The following ARHGAP10 variants were observed in gnomAD, a reference collection of about 807,000 sequenced individuals.
The protein encoded by ARHGAP10 is rho GTPase-activating protein 10.
ARHGAP10 carries 87 observed loss-of-function variants against 108.6 expected under a neutral mutation model. That is an observed-to-expected ratio of 0.80 (90% confidence interval 0.67 to 0.96). The LOEUF is 0.96. Ranked by LOEUF, ARHGAP10 falls within the 40% of genes least tolerant of loss-of-function variation. The pLI, the probability that ARHGAP10 is intolerant of heterozygous loss-of-function variation, is 0.00. For missense variants in ARHGAP10, 939 were observed against 954.5 expected (o/e 0.98, Z 0.21); for synonymous variants, 347 against 341.1 (o/e 1.02, Z -0.19).
At chr4:147,945,936 A>G (rs1203148485) in intron 14 of ARHGAP10, among the ~76,000 whole-genome samples, 2 of 152,184 alleles carry the variant, frequency 1.3e-5, no homozygotes, top group Non-Finnish European at 2.9e-5. Context: ...GCCACCACAC[A>G]TGAATTGAAG....
rs117077585 is a variant in ARHGAP10 at position 147,961,296 on chromosome 4, G to A, written c.1451-3728G>A. On this transcript the variant is annotated intron_variant, in intron 16 of 22. Transcript: ENST00000336498. ...TGTTAACTTCTGTTTCACCGATATA[G>A]GTTTATTCTGTTTTCATAGGTTTTT... Among the ~76,000 whole-genome samples the A allele has an allele frequency of 4.1e-3, 627 of 152,194 alleles. 7 individuals carry two copies. The highest frequency in any genetic ancestry group is 0.025 in the East Asian group (127 of 5,180).
intron 12 of ARHGAP10, among the ~76,000 whole-genome samples, chr4:147,912,690 C>T (rs1736808102): frequency 3.1e-5 from 3 of 98,186 alleles, no homozygotes; most frequent in African/African-American, 8.2e-5. Flanking sequence ...GGGTATTGCT[C>T]TGTCACCCAG....
intron 18 of ARHGAP10, among the ~76,000 whole-genome samples, chr4:147,975,868 CTG>C: frequency 6.6e-6 from 1 of 152,196 alleles, no homozygotes; most frequent in Non-Finnish European, 1.5e-5. Context: ...GAGTATCACA[CTG>C]TGTTGTTTCA....
At chr4:147,736,005 T>G (rs1728395960) in intron 1 of ARHGAP10, among the ~76,000 whole-genome samples, 1 of 152,198 alleles carries the variant, frequency 6.6e-6, no homozygotes, top group African/African-American at 2.4e-5. Context: ...TTAGGCAGTC[T>G]TGAGAAAATG....
At chr4:147,767,037 G>A (rs974646880) in intron 1 of ARHGAP10, among the ~76,000 whole-genome samples, 1 of 151,534 alleles carries the variant, frequency 6.6e-6, no homozygotes, top group African/African-American at 2.4e-5. Flanking sequence ...TTCTAGTAGA[G>A]ATGGGGTTTC....
intron 10 of ARHGAP10, among the ~76,000 whole-genome samples, chr4:147,895,820 T>A (rs1419630175): frequency 6.6e-6 from 1 of 152,228 alleles, no homozygotes; most frequent in African/African-American, 2.4e-5. Context: ...CCATCTTGCC[T>A]TGTTCCTGAT....
chr4:147,827,805 CT>C (rs1045989535), intron 3 of ARHGAP10, among the ~76,000 whole-genome samples: 10 of 151,312 alleles, frequency 6.6e-5, no homozygotes, highest in African/African-American at 1.9e-4. Flanking sequence ...GTCACTTAAT[CT>C]TTTTTTTTGT....
At chr4:147,785,919 TA>T (rs1164434272) in intron 1 of ARHGAP10, among the ~76,000 whole-genome samples, 1 of 152,194 alleles carries the variant, frequency 6.6e-6, no homozygotes, top group Non-Finnish European at 1.5e-5. Context: ...TGTCACCAAA[TA>T]CATTTTTCAA....
intron 18 of ARHGAP10, among the ~76,000 whole-genome samples, chr4:147,976,670 A>G (rs1324536976): frequency 6.6e-6 from 1 of 152,130 alleles, no homozygotes; most frequent in Non-Finnish European, 1.5e-5. Context: ...GAAAATAATA[A>G]TGACATTGTC....
intron 20 of ARHGAP10, among the ~76,000 whole-genome samples, chr4:148,054,965 G>C (rs1729298236): frequency 6.6e-6 from 1 of 152,170 alleles, no homozygotes; most frequent in South Asian, 2.1e-4. Context: ...GTCAGTGACT[G>C]CAGGACAGTA....
At chr4:147,944,928 C>A (rs964118186) in intron 14 of ARHGAP10, among the ~76,000 whole-genome samples, 1 of 152,126 alleles carries the variant, frequency 6.6e-6, no homozygotes, top group Non-Finnish European at 1.5e-5. Flanking sequence ...TAACCTGCTA[C>A]GTTTAATTAT....
At chr4:147,977,405 A>G (rs550890468) in intron 18 of ARHGAP10, among the ~76,000 whole-genome samples, 1 of 152,216 alleles carries the variant, frequency 6.6e-6, no homozygotes, top group East Asian at 1.9e-4. Context: ...AGTGCTCACT[A>G]TGTATTTTTT....
intron 1 of ARHGAP10, among the ~76,000 whole-genome samples, chr4:147,732,665 C>G (rs1055003930): frequency 6.6e-6 from 1 of 152,110 alleles, no homozygotes; most frequent in Non-Finnish European, 1.5e-5. Context: ...ATTCCCGCCC[C>G]TGCGGCTCTG....
chr4:147,920,716 G>A (rs1737201800), intron 13 of ARHGAP10, among the ~76,000 whole-genome samples: 1 of 152,210 alleles, frequency 6.6e-6, no homozygotes, highest in Non-Finnish European at 1.5e-5. Context: ...TGATCAAAAT[G>A]TTGCAAATTT....
At chr4:147,807,382 A>G (rs949744657) in intron 1 of ARHGAP10, among the ~76,000 whole-genome samples, 8 of 152,218 alleles carry the variant, frequency 5.3e-5, no homozygotes, top group Non-Finnish European at 1.0e-4. Flanking sequence ...ACATGAAACT[A>G]TTGTTCAAAA....
chr4:147,792,546 TC>T (rs1232532666), intron 1 of ARHGAP10, among the ~76,000 whole-genome samples: 1 of 152,190 alleles, frequency 6.6e-6, no homozygotes, highest in Non-Finnish European at 1.5e-5. Context: ...ACCAACAACT[TC>T]CTGTGCTTCT....
At chr4:147,952,226 A>G (rs560024301) in intron 15 of ARHGAP10, among the ~76,000 whole-genome samples, 1 of 152,320 alleles carries the variant, frequency 6.6e-6, no homozygotes, top group South Asian at 2.1e-4. Flanking sequence ...AAGCATTTGT[A>G]TACCTATATT....
intron 16 of ARHGAP10, among the ~76,000 whole-genome samples, chr4:147,957,675 A>C (rs1738834782): frequency 6.6e-6 from 1 of 152,128 alleles, no homozygotes; most frequent in Admixed American, 6.6e-5. Context: ...GTGATGAGAT[A>C]GTTTCTTCTC....
intron 5 of ARHGAP10, 107 bp from the exon 6 acceptor site, chr4:147,864,739 G>A (rs1197343171): frequency 1.2e-6 from 1 of 833,540 alleles, no homozygotes; most frequent in African/African-American, 1.7e-5. Flanking sequence ...TACAAAATCA[G>A]GCAGCACACC....
Sources: gnomAD v4.1 joint callset for allele counts (sites outside exome capture counted in the v4.1 genomes callset) on GRCh38, gnomAD v4.1.1 for gene constraint, MANE v1.5 for transcripts, NCBI Gene and HGNC (gene_info 2026-07-23, HGNC 2026-07-21) for gene names.